The following DOCK7 variants were observed in gnomAD, a reference collection of about 807,000 sequenced individuals.
DOCK7 encodes dedicator of cytokinesis 7.
DOCK7 carries 138 observed loss-of-function variants against 271.0 expected under a neutral mutation model. The observed-to-expected ratio is 0.51, with a 90% CI of 0.44 to 0.59. The LOEUF (loss-of-function observed/expected upper bound fraction) is 0.59. Among genes scored for constraint, DOCK7 ranks in the 20% least tolerant of loss-of-function variants. DOCK7 has a pLI of 0.00. For missense variants in DOCK7, 2,066 were observed against 2,592.4 expected, an observed-to-expected ratio of 0.80 and a Z score of 4.41; for synonymous variants, 823 against 876.1, an observed-to-expected ratio of 0.94 and a Z score of 1.07.
At chr1:62,604,243 T>C (rs1450815847) in intron 14 of DOCK7, 3 of 1,612,518 alleles carry the variant, frequency 1.9e-6, no homozygotes, top group Non-Finnish European at 2.5e-6. Flanking sequence ...CAGGTATCTT[T>C]TTCTGATACC....
intron 30 of DOCK7, among the ~76,000 whole-genome samples, 161 bp downstream of exon 30, chr1:62,529,116 G>A (rs866207956): frequency 4.0e-5 from 6 of 151,826 alleles, no homozygotes; most frequent in African/African-American, 9.7e-5. Context: ...TCTCTCACAC[G>A]GTCAAAGGTT....
chr1:62,515,723 G>T (rs1322452835), intron 31 of DOCK7, among the ~76,000 whole-genome samples: 3 of 152,170 alleles, frequency 2.0e-5, no homozygotes, highest in Non-Finnish European at 4.4e-5. Flanking sequence ...TTTGACCAAT[G>T]ATTTTTAAAT....
chr1:62,665,632 G>T (rs548634115), intron 1 of DOCK7, among the ~76,000 whole-genome samples: 1 of 144,978 alleles, frequency 6.9e-6, no homozygotes, highest in Non-Finnish European at 1.5e-5. Context: ...TTGAATCCAC[G>T]GAGGTTGCGG....
chr1:62,586,005 G>C (rs543826384), intron 15 of DOCK7, among the ~76,000 whole-genome samples: 4 of 152,250 alleles, frequency 2.6e-5, no homozygotes, highest in African/African-American at 9.6e-5. Context: ...ACTAATGCCA[G>C]AGTTTGTCAA....
At chr1:62,580,732 T>C (rs976306652) in intron 16 of DOCK7, among the ~76,000 whole-genome samples, 2 of 152,088 alleles carry the variant, frequency 1.3e-5, no homozygotes, top group East Asian at 1.9e-4. Flanking sequence ...GTAAGACACA[T>C]ATATATCAAT....
At chr1:62,502,253 C>T (rs747908127) in intron 37 of DOCK7, among the ~76,000 whole-genome samples, 8 of 152,110 alleles carry the variant, frequency 5.3e-5, no homozygotes, top group East Asian at 1.9e-4. Context: ...AAGTCACACA[C>T]GAATGCACTG....
Position 62,654,024 on chromosome 1 carries a change from G to A in DOCK7, c.280C>T (p.Arg94Trp), listed in dbSNP as rs1657688175. The A allele has an allele frequency of 1.2e-6, 2 of 1,613,738 alleles. No individual in the cohort carries two copies. Among genetic ancestry groups the A allele is most frequent in the Non-Finnish European group, 1.7e-6 (2 of 1,179,854 alleles). ...GCTGAAACAAGAGTTCTGCAGTCCC[G>A]AGGACTATAAACAACTTCAATATCA... ...PDDIEVVYSP[R>W]DCRTLVSAVP... is the part of the protein sequence containing the mutation. Residue 94 changes from arginine to tryptophan, a missense_variant, in exon 3 of 50, where the codon CGG becomes TGG. Arg to Trp is a moderately radical substitution (Grantham distance 101, BLOSUM62 -3). Coordinates refer to ENST00000635253, the MANE Select transcript of DOCK7 (RefSeq NM_001367561.1).
At chr1:62,579,116 T>TCCCC (rs1647032284) in intron 16 of DOCK7, 150 bp from the exon 17 acceptor site, 1 of 765,320 alleles carries the variant, frequency 1.3e-6, no homozygotes, top group Admixed American at 3.8e-5. Flanking sequence ...AATCTCTAAA[T>TCCCC]AACTAAATCT....
intron 18 of DOCK7, among the ~76,000 whole-genome samples, chr1:62,571,487 A>G (rs1019933726): frequency 6.6e-6 from 1 of 152,186 alleles, no homozygotes; most frequent in African/African-American, 2.4e-5. Context: ...TGTGGAAAAC[A>G]TTGTGGAGAT....
chr1:62,563,670 A>G (rs958036304), intron 18 of DOCK7, among the ~76,000 whole-genome samples: 14 of 152,036 alleles, frequency 9.2e-5, no homozygotes, highest in Non-Finnish European at 1.5e-4. Context: ...TTCAATATCT[A>G]TGACAGGATC....
At chr1:62,590,734 A>C (rs1252857101) in intron 14 of DOCK7, among the ~76,000 whole-genome samples, 2 of 152,200 alleles carry the variant, frequency 1.3e-5, no homozygotes, top group East Asian at 3.8e-4. Flanking sequence ...CAAGCATATG[A>C]AAAAAACCTC....
intron 6 of DOCK7, 116 bp from the exon 7 acceptor site, chr1:62,647,892 G>A: frequency 1.1e-6 from 1 of 883,172 alleles, no homozygotes; most frequent in African/African-American, 1.7e-5. Context: ...AGAACATAGA[G>A]AAGAATGACC....
At chr1:62,558,953 A>G in intron 20 of DOCK7, 36 bp downstream of exon 20, 2 of 1,515,056 alleles carry the variant, frequency 1.3e-6, no homozygotes, top group Non-Finnish European at 1.8e-6. Context: ...TCAAGTTATA[A>G]ATTTCACGTC....
intron 18 of DOCK7, among the ~76,000 whole-genome samples, chr1:62,570,686 T>C (rs1646742033): frequency 6.6e-6 from 1 of 152,280 alleles, no homozygotes; most frequent in Admixed American, 6.5e-5. Flanking sequence ...CAAAACAGCA[T>C]GGTGCTAGTA....
In DOCK7 at chr1:62,625,522, T is replaced by C. The variant is rs1345701904; in HGVS notation, c.1283-121A>G. The C allele has an allele frequency of 9.3e-6, 9 of 968,684 alleles. No homozygotes were observed. In the South Asian group the frequency reaches 1.2e-4, roughly 12 times the overall value. The allele number at this position is 968,684 out of a possible 1,614,324, so 60.0% of individuals were successfully genotyped here. The stretch of plus-strand genomic sequence containing the variant: ...AATTACCCACTCAGCATATCAAGTA[T>C]AGTAGGAGAATTTTGCTTTTGGAGA... On this transcript the variant is annotated intron_variant, in intron 11 of 49. Coordinates refer to ENST00000635253, the MANE Select transcript of DOCK7 (RefSeq NM_001367561.1).
Position 62,556,004 on chromosome 1 carries a change from G to A in DOCK7, c.2432-15C>T, listed in dbSNP as rs1646130226. The A allele has an allele frequency of 6.2e-7, 1 of 1,611,232 alleles. No individual in the cohort carries two copies. The highest frequency in any genetic ancestry group is 2.2e-5 in the East Asian group (1 of 44,832). On this transcript the variant is annotated splice_polypyrimidine_tract_variant and intron_variant, in intron 20 of 49. Transcript: ENST00000635253. Reference sequence around the variant, plus strand: ...ACCTAGGTTAACTTTTAAGAAAGAAGAAGTATTTACCTTTGCTTTAACTTT... The same window carrying A: ...ACCTAGGTTAACTTTTAAGAAAGAAAAAGTATTTACCTTTGCTTTAACTTT...
At chr1:62,496,249 A>T in intron 38 of DOCK7, 90 bp downstream of exon 38, 1 of 1,495,238 alleles carries the variant, frequency 6.7e-7, no homozygotes, top group Non-Finnish European at 9.2e-7. Flanking sequence ...ATGATCCTCC[A>T]GCAAAAATCA....
At chr1:62,611,031 G>T (rs1254604969) in intron 14 of DOCK7, among the ~76,000 whole-genome samples, 1 of 152,130 alleles carries the variant, frequency 6.6e-6, no homozygotes, top group Non-Finnish European at 1.5e-5. Flanking sequence ...TTGAGGAATC[G>T]CCACACTGTC....
intron 14 of DOCK7, among the ~76,000 whole-genome samples, chr1:62,595,878 A>C (rs377026739): frequency 2.6e-5 from 4 of 152,250 alleles, no homozygotes; most frequent in African/African-American, 9.6e-5. Context: ...ATAGTGAGCT[A>C]TGATCATGCC....
Sources: allele counts gnomAD v4.1 joint callset (sites outside exome capture counted in the v4.1 genomes callset), GRCh38; gene constraint gnomAD v4.1.1; transcripts MANE v1.5; gene names NCBI Gene and HGNC (gene_info 2026-07-23, HGNC 2026-07-21).